PLCG2: variants seen among roughly 807,000 people sequenced by gnomAD.
The protein encoded by PLCG2 is phospholipase C gamma 2, also known as 1-phosphatidylinositol 4,5-bisphosphate phosphodiesterase gamma-2.
Under a neutral mutation model 175.6 loss-of-function variants are expected in PLCG2, and 69 were observed. The ratio of observed to expected loss-of-function variants is 0.39; its 90% confidence interval spans 0.32 to 0.48. The LOEUF (loss-of-function observed/expected upper bound fraction) is 0.48. Ranked by LOEUF, PLCG2 falls within the 20% of genes least tolerant of loss-of-function variation. PLCG2 has a pLI of 0.91. For synonymous variants in PLCG2, 827 were observed against 624.0 expected (o/e 1.33, Z -4.85); for missense variants, 1,798 against 1,650.9 (o/e 1.09, Z -1.54).
At chr16:81,791,285 C>G (rs1779863441) in intron 2 of PLCG2, among the ~76,000 whole-genome samples, 1 of 151,966 alleles carries the variant, frequency 6.6e-6, no homozygotes, top group Non-Finnish European at 1.5e-5. Context: ...ATGGGGAGGG[C>G]TCATTGTGGA....
chr16:81,801,508 G>A (rs1170449947), intron 2 of PLCG2, among the ~76,000 whole-genome samples: 1 of 152,108 alleles, frequency 6.6e-6, no homozygotes, highest in East Asian at 1.9e-4. Flanking sequence ...AGTACAGCAC[G>A]ATAGATTGAT....
Position 81,959,343 on chromosome 16 carries a change from G to A in PLCG2, c.*1345G>A, listed in dbSNP as rs1324770389. 1 of 222,000 alleles carries A rather than the reference G, an allele frequency of 4.5e-6. No homozygotes were observed. The highest frequency in any genetic ancestry group is 9.0e-6 in the Non-Finnish European group (1 of 111,096). 13.8% of individuals were successfully genotyped at this position (222,000 alleles called of 1,614,324 possible). On this transcript the variant is annotated 3_prime_UTR_variant, in exon 33 of 33. Coordinates refer to ENST00000564138, the MANE Select transcript of PLCG2 (RefSeq NM_002661.5). Reference sequence around the variant, plus strand: ...TATGCATGTACTGCTGAAAAGCAGGGCAGAACAAATCAGGCTCTGACCAGA... The same window carrying A: ...TATGCATGTACTGCTGAAAAGCAGGACAGAACAAATCAGGCTCTGACCAGA...
chr16:81,751,805 T>G (rs1909817809), intron 1 of PLCG2, among the ~76,000 whole-genome samples: 1 of 152,084 alleles, frequency 6.6e-6, no homozygotes, highest in Non-Finnish European at 1.5e-5. Context: ...GTGGATCACC[T>G]GAGGTCAGGA....
At position 81,923,501 on chromosome 16, in the gene PLCG2, A is replaced by G. The variant is rs142825971; in HGVS notation, c.2324A>G (p.Lys775Arg). Residue 775 changes from lysine (K) to arginine (R), a missense_variant, in exon 22 of 33, where the codon AAA (lysine) becomes AGA (arginine). Transcript: ENST00000564138. ...INPSMPQRTV[K>R]ALYDYKAKRS... is the part of the protein sequence containing the mutation. Reference sequence around the variant, plus strand: ...CCCTGAAAGCCTCAGAGAACCGTGAAAGCTCTGTATGACTACAAAGCCAAG... The same window carrying G: ...CCCTGAAAGCCTCAGAGAACCGTGAGAGCTCTGTATGACTACAAAGCCAAG... 2.5e-3 allele frequency: 3,970 copies of G among 1,611,776 alleles called. 15 individuals are homozygous for G. Among genetic ancestry groups the G allele is most frequent in the Non-Finnish European group, 3.0e-3 (3,521 of 1,178,058 alleles).
At chr16:81,840,746 C>T (rs1300967326) in intron 2 of PLCG2, among the ~76,000 whole-genome samples, 1 of 152,208 alleles carries the variant, frequency 6.6e-6, no homozygotes, top group Admixed American at 6.5e-5. Flanking sequence ...TCCTAACGGG[C>T]CACAGACAGG....
chr16:81,850,988 G>A (rs969931876), intron 2 of PLCG2, among the ~76,000 whole-genome samples: 2 of 152,116 alleles, frequency 1.3e-5, no homozygotes, highest in African/African-American at 4.8e-5. Context: ...AGGTCTGGAT[G>A]GGGTCCCCAC....
At chr16:81,871,087 A>C (rs1424019167) in intron 7 of PLCG2, 152 bp downstream of exon 7, 5 of 528,972 alleles carry the variant, frequency 9.5e-6, no homozygotes, top group Non-Finnish European at 1.7e-5. Context: ...TACCATTTTC[A>C]TCCATTAGAT....
chr16:81,869,815 G>A (rs867591416), intron 6 of PLCG2, among the ~76,000 whole-genome samples: 4 of 152,120 alleles, frequency 2.6e-5, no homozygotes, highest in Non-Finnish European at 5.9e-5. Context: ...GTGGGTCTGG[G>A]CAGTAAAGCC....
chr16:81,916,078 A>G (rs1263401029), intron 19 of PLCG2, among the ~76,000 whole-genome samples: 2 of 152,012 alleles, frequency 1.3e-5, no homozygotes, highest in African/African-American at 4.8e-5. Context: ...TATTTTTAGA[A>G]AATACAAATG....
At chr16:81,941,945 G>A (rs916617703) in intron 30 of PLCG2, among the ~76,000 whole-genome samples, 5 of 152,080 alleles carry the variant, frequency 3.3e-5, no homozygotes, top group South Asian at 2.1e-4. Flanking sequence ...CTTTAAACCC[G>A]GCACTGATCA....
chr16:81,895,713 G>C, intron 12 of PLCG2, 94 bp from the exon 13 acceptor site: 1 of 1,408,702 alleles, frequency 7.1e-7, no homozygotes, highest in Non-Finnish European at 9.9e-7. Context: ...GGGTGTCCTT[G>C]TCTAGTAACT....
chr16:81,885,922 C>A (rs1207558679), intron 9 of PLCG2, among the ~76,000 whole-genome samples: 4 of 152,120 alleles, frequency 2.6e-5, no homozygotes. Context: ...ATTTGCCCAA[C>A]CTGAGACTAA....
chr16:81,827,408 C>T (rs188610105), intron 2 of PLCG2, among the ~76,000 whole-genome samples: 11 of 151,892 alleles, frequency 7.2e-5, no homozygotes, highest in Non-Finnish European at 1.2e-4. Context: ...AGGCTGATCT[C>T]GAACTCCTAG....
At chr16:81,946,384 A>T (rs975755126) in intron 31 of PLCG2, 121 bp downstream of exon 31, 5 of 706,006 alleles carry the variant, frequency 7.1e-6, no homozygotes, top group South Asian at 1.6e-5. Flanking sequence ...TAGCCCAAGC[A>T]TGAGACATCA....
At chr16:81,759,694 A>G (rs1226012062) in intron 2 of PLCG2, among the ~76,000 whole-genome samples, 3 of 152,218 alleles carry the variant, frequency 2.0e-5, no homozygotes, top group Non-Finnish European at 4.4e-5. Context: ...ATGATCTTCC[A>G]AGGATAGCTT....
At chr16:81,817,466 G>C (rs1432278565) in intron 2 of PLCG2, among the ~76,000 whole-genome samples, 1 of 152,190 alleles carries the variant, frequency 6.6e-6, no homozygotes, top group East Asian at 1.9e-4. Flanking sequence ...GTCTTGAGGG[G>C]TGCTGCGCAA....
At position 81,959,051 on chromosome 16, in the gene PLCG2, C is replaced by A. The variant is rs1248805164; in HGVS notation, c.*1053C>A. 1 of 222,660 alleles carries A rather than the reference C, an allele frequency of 4.5e-6. No individual in the cohort carries two copies. Among genetic ancestry groups the A allele is most frequent in the Non-Finnish European group, 9.0e-6 (1 of 111,482 alleles). 13.8% of individuals were successfully genotyped at this position (222,660 alleles called of 1,614,324 possible). On this transcript the variant is annotated 3_prime_UTR_variant, in exon 33 of 33. Coordinates refer to ENST00000564138, the MANE Select transcript of PLCG2 (RefSeq NM_002661.5). ...GGCTGGCCAGGGCTTTACACCTCTG[C>A]ATCTTAAGTTGTTAATACATACCAA...
At chr16:81,829,509 C>T (rs968450176) in intron 2 of PLCG2, among the ~76,000 whole-genome samples, 13 of 152,236 alleles carry the variant, frequency 8.5e-5, no homozygotes, top group Non-Finnish European at 1.5e-4. Context: ...TGAGCCACCA[C>T]ACCCGGCCCA....
chr16:81,818,965 G>C (rs190797124), intron 2 of PLCG2, among the ~76,000 whole-genome samples: 2 of 146,728 alleles, frequency 1.4e-5, no homozygotes, highest in Admixed American at 1.4e-4. Context: ...TGAGAACTTA[G>C]GGTATTTCCA....
Sources: allele counts gnomAD v4.1 joint callset (sites outside exome capture counted in the v4.1 genomes callset), GRCh38; gene constraint gnomAD v4.1.1; transcripts MANE v1.5; gene names NCBI Gene and HGNC (gene_info 2026-07-23, HGNC 2026-07-21).